Variants in HS3ST5 observed in about 807,000 individuals in gnomAD.
The protein encoded by HS3ST5 is heparan sulfate glucosamine 3-O-sulfotransferase 5.
Under a neutral mutation model 25.4 loss-of-function variants are expected in HS3ST5, and 10 were observed. The ratio of observed to expected loss-of-function variants is 0.39; its 90% CI spans 0.24 to 0.67. The LOEUF is 0.67. HS3ST5 is among the 30% of genes least tolerant of loss of function. The pLI is 0.44. For synonymous variants in HS3ST5, 170 were observed against 162.4 expected, an observed-to-expected ratio of 1.05 and a Z score of -0.36; for missense variants, 324 against 420.7, an observed-to-expected ratio of 0.77 and a Z score of 2.01.
intron 3 of HS3ST5, among the ~76,000 whole-genome samples, chr6:114,074,149 T>C (rs1773986898): frequency 6.6e-6 from 1 of 151,150 alleles, no homozygotes; most frequent in Non-Finnish European, 1.5e-5. Flanking sequence ...TGTTTGGGGG[T>C]AGGAGGCTGG....
intron 2 of HS3ST5, among the ~76,000 whole-genome samples, chr6:114,190,450 G>A (rs1378254737): frequency 2.0e-5 from 3 of 152,104 alleles, no homozygotes; most frequent in Non-Finnish European, 2.9e-5. Context: ...GTCTCCTAGT[G>A]CATGCATTTT....
In HS3ST5 at chr6:114,057,580, T is replaced by C. The variant is rs748446547; in HGVS notation, c.718A>G (p.Arg240Gly). 1.9e-6 allele frequency: 3 copies of C among 1,614,236 alleles called. No individual in the cohort carries two copies. Among genetic ancestry groups the C allele is most frequent in the Non-Finnish European group, 2.5e-6 (3 of 1,180,038 alleles). ...TCAATTGGAAAGTATTTCAACCACCTTTCCAGATGTTTGGTGTAGATGCTG... is the reference window on the plus strand; with the variant it reads ...TCAATTGGAAAGTATTTCAACCACCCTTCCAGATGTTTGGTGTAGATGCTG... ...RTSIYTKHLERWLKYFPIEQF... is the reference protein window; with the variant it reads ...RTSIYTKHLEGWLKYFPIEQF... Residue 240 changes from arginine (R) to glycine (G), a missense_variant, in exon 5 of 5, where the codon AGG becomes GGG. Transcript: ENST00000312719.
At chr6:114,219,594 T>C (rs1781936140) in intron 2 of HS3ST5, among the ~76,000 whole-genome samples, 1 of 152,138 alleles carries the variant, frequency 6.6e-6, no homozygotes, top group Non-Finnish European at 1.5e-5. Flanking sequence ...ATTTTCACAG[T>C]TTTTCTTTCA....
intron 2 of HS3ST5, chr6:114,178,773 A>G (rs1779834842): frequency 6.6e-6 from 1 of 152,078 alleles, no homozygotes; most frequent in Non-Finnish European, 1.5e-5. Context: ...CTTTCTTTTC[A>G]AAGGGGAGAG....
chr6:114,273,997 T>C (rs1031004072), intron 1 of HS3ST5, among the ~76,000 whole-genome samples: 2 of 151,968 alleles, frequency 1.3e-5, no homozygotes, highest in Non-Finnish European at 2.9e-5. Flanking sequence ...GGGAAAGATC[T>C]AGTAGAGAGG....
intron 1 of HS3ST5, among the ~76,000 whole-genome samples, chr6:114,242,655 C>A (rs150045169): frequency 2.4e-3 from 371 of 151,932 alleles, no homozygotes; most frequent in South Asian, 8.3e-3. Flanking sequence ...AGATCGAGAC[C>A]ATCCTGGCTA....
At chr6:114,189,272 C>T (rs970804805) in intron 2 of HS3ST5, among the ~76,000 whole-genome samples, 4 of 152,058 alleles carry the variant, frequency 2.6e-5, no homozygotes, top group African/African-American at 9.7e-5. Flanking sequence ...ACTTTATCCA[C>T]TTTATGAAAT....
At chr6:114,175,401 T>C (rs1274791728) in intron 2 of HS3ST5, among the ~76,000 whole-genome samples, 1 of 152,194 alleles carries the variant, frequency 6.6e-6, no homozygotes, top group African/African-American at 2.4e-5. Flanking sequence ...AAATTATGAT[T>C]ATGACAGATT....
At chr6:114,209,561 G>A (rs2114423639) in intron 2 of HS3ST5, among the ~76,000 whole-genome samples, 1 of 151,982 alleles carries the variant, frequency 6.6e-6, no homozygotes, top group South Asian at 2.1e-4. Context: ...TCAAATTCTG[G>A]ATGCTTATTT....
intron 1 of HS3ST5, among the ~76,000 whole-genome samples, chr6:114,305,535 G>C (rs1775253011): frequency 6.6e-6 from 1 of 151,932 alleles, no homozygotes; most frequent in Non-Finnish European, 1.5e-5. Context: ...TTTTCCTCAA[G>C]ACTGCCCTTG....
chr6:114,093,245 G>A (rs1775224974), intron 3 of HS3ST5, among the ~76,000 whole-genome samples: 1 of 151,990 alleles, frequency 6.6e-6, no homozygotes, highest in Admixed American at 6.6e-5. Context: ...GGATGAATGT[G>A]GCCTCTCTAA....
intron 3 of HS3ST5, among the ~76,000 whole-genome samples, chr6:114,080,889 C>A (rs908686918): frequency 8.5e-6 from 1 of 117,546 alleles, no homozygotes; most frequent in African/African-American, 2.7e-5. Flanking sequence ...GTACAATGTA[C>A]CCAGGTAACA....
intron 1 of HS3ST5, among the ~76,000 whole-genome samples, chr6:114,286,503 G>A (rs1177133723): frequency 6.6e-6 from 1 of 151,820 alleles, no homozygotes; most frequent in Non-Finnish European, 1.5e-5. Flanking sequence ...CGATTTAAAT[G>A]GTTATTAGCC....
intron 3 of HS3ST5, among the ~76,000 whole-genome samples, chr6:114,111,001 C>T (rs1214893805): frequency 6.6e-6 from 1 of 152,182 alleles, no homozygotes; most frequent in Non-Finnish European, 1.5e-5. Flanking sequence ...ACCATTTAAT[C>T]TATCCTCTAG....
chr6:114,104,983 A>C (rs1326039099), intron 3 of HS3ST5, among the ~76,000 whole-genome samples: 1 of 152,160 alleles, frequency 6.6e-6, no homozygotes, highest in Admixed American at 6.5e-5. Flanking sequence ...GGAAAAAAAA[A>C]AGTTTGTGCT....
chr6:114,322,768 A>G (rs1284637032), intron 1 of HS3ST5, among the ~76,000 whole-genome samples: 1 of 152,192 alleles, frequency 6.6e-6, no homozygotes, highest in Non-Finnish European at 1.5e-5. Flanking sequence ...AAGACTAGCT[A>G]TATTACTGCG....
chr6:114,122,477 C>G (rs538356438), intron 3 of HS3ST5, among the ~76,000 whole-genome samples: 56 of 152,272 alleles, frequency 3.7e-4, no homozygotes, highest in African/African-American at 1.3e-3. Context: ...TTATGGCATC[C>G]AGTTAGAAAA....
intron 1 of HS3ST5, among the ~76,000 whole-genome samples, chr6:114,335,552 T>A (rs1776574825): frequency 6.6e-6 from 1 of 152,110 alleles, no homozygotes; most frequent in Non-Finnish European, 1.5e-5. Context: ...ATTTACTACA[T>A]CTGGATAAGA....
chr6:114,134,511 C>T (rs1277018106), intron 3 of HS3ST5, among the ~76,000 whole-genome samples: 1 of 152,164 alleles, frequency 6.6e-6, no homozygotes, highest in African/African-American at 2.4e-5. Context: ...CATAGAGCTG[C>T]ACAGGAAGCA....
Sources: allele counts gnomAD v4.1 joint callset (sites outside exome capture counted in the v4.1 genomes callset), GRCh38; gene constraint gnomAD v4.1.1; transcripts MANE v1.5; gene names NCBI Gene and HGNC (gene_info 2026-07-23, HGNC 2026-07-21).